The following FCN1 variants were observed in gnomAD, a reference collection of about 807,000 sequenced individuals.
The protein encoded by FCN1 is ficolin 1, also known as ficolin-1.
FCN1 carries 42 observed loss-of-function variants against 35.6 expected under a neutral mutation model. The observed-to-expected ratio is 1.18, with a 90% CI of 0.92 to 1.53. FCN1 has a LOEUF of 1.53. FCN1 is among the 40% of genes most tolerant of loss of function. The pLI is 0.00. For missense variants in FCN1, 439 were observed against 428.4 expected, an observed-to-expected ratio of 1.02 and a Z score of -0.22; for synonymous variants, 179 against 169.8, an observed-to-expected ratio of 1.05 and a Z score of -0.42.
chr9:134,907,228 T>C lies in FCN1; in HGVS notation c.*2570A>G, dbSNP rs1830966144. On this transcript the variant is annotated 3_prime_UTR_variant, in exon 9 of 9. Coordinates refer to ENST00000371806, the MANE Select transcript of FCN1 (RefSeq NM_002003.5). The stretch of plus-strand genomic sequence containing the variant: ...CTGAGGGACGAAAGTACTATCCCAA[T>C]AGTGGATTTTGTGATGGACTAGAGA... 2 of 152,214 alleles carry C rather than the reference T, an allele frequency of 1.3e-5. No individual in the cohort carries two copies. Among genetic ancestry groups the C allele is most frequent in the Admixed American group, 1.3e-4 (2 of 15,282 alleles). The allele number at this position is 152,214 out of a possible 1,614,324, so 9.4% of individuals were successfully genotyped here. A position where few individuals can be genotyped will look rare whatever the true frequency, so the allele number is the denominator to read the frequency against.
At chr9:134,914,546 A>G in intron 3 of FCN1, 126 bp from the exon 4 acceptor site, 1 of 1,061,872 alleles carries the variant, frequency 9.4e-7, no homozygotes. Flanking sequence ...CTAAGGCATC[A>G]CAACGCCCAG....
chr9:134,910,086 G>A (rs763824979), intron 8 of FCN1, 41 bp from the exon 9 acceptor site: 10 of 1,576,532 alleles, frequency 6.3e-6, no homozygotes, highest in Non-Finnish European at 8.7e-6. Flanking sequence ...GCTGGAAAAA[G>A]CCCTGCCACT....
intron 2 of FCN1, 90 bp downstream of exon 2, chr9:134,916,258 G>T: frequency 1.0e-6 from 1 of 989,150 alleles, no homozygotes; most frequent in Non-Finnish European, 1.6e-6. Context: ...AACCACGGTG[G>T]GGGTGTTGCC....
chr9:134,912,377 G>A, intron 7 of FCN1, 109 bp downstream of exon 7: 1 of 1,172,822 alleles, frequency 8.5e-7, no homozygotes, highest in South Asian at 1.6e-5. Context: ...GTGTGCTCAG[G>A]GCCCAATCCC....
chr9:134,904,924 G>A lies in FCN1; in HGVS notation c.*4874C>T, dbSNP rs190200082. Among the ~76,000 whole-genome samples, 101 of 152,168 alleles carry A rather than the reference G, an allele frequency of 6.6e-4. No homozygotes were observed. The highest frequency in any genetic ancestry group is 2.2e-3 in the African/African-American group (93 of 41,528). On this transcript the variant is annotated 3_prime_UTR_variant, in exon 9 of 9. Coordinates refer to ENST00000371806, the MANE Select transcript of FCN1 (RefSeq NM_002003.5). ...GTAAAAATGTGGTAAAAATGAATAC[G>A]GACTGCACAAAACAATACTAATAGC...
Position 134,912,961 on chromosome 9 carries a change from C to T in FCN1, c.468+55G>A, listed in dbSNP as rs543987490. 18 of 1,583,820 alleles carry T rather than the reference C, an allele frequency of 1.1e-5. No homozygotes were observed. In the African/African-American group the frequency reaches 2.4e-4, roughly 21 times the overall value. On this transcript the variant is annotated intron_variant, in intron 6 of 8. Transcript: ENST00000371806. Reference sequence around the variant, plus strand: ...AGAGTGTGTTCTACAACCAGGTGTGCAGCCTGGCCTCCGGGACTCCCAGGC... The same window carrying T: ...AGAGTGTGTTCTACAACCAGGTGTGTAGCCTGGCCTCCGGGACTCCCAGGC...
At chr9:134,913,389 G>A (rs561123319) in intron 5 of FCN1, among the ~76,000 whole-genome samples, 192 bp downstream of exon 5, 1 of 152,318 alleles carries the variant, frequency 6.6e-6, no homozygotes, top group African/African-American at 2.4e-5. Context: ...GGCCTTCTAG[G>A]GTAGATAATA....
chr9:134,910,901 G>A (rs182487617), intron 8 of FCN1, among the ~76,000 whole-genome samples: 71 of 152,348 alleles, frequency 4.7e-4, no homozygotes, highest in South Asian at 2.3e-3. Context: ...CTGGTGGGTC[G>A]TCTCAGCCCT....
At chr9:134,913,687 C>CT in intron 4 of FCN1, 74 bp from the exon 5 acceptor site, 1 of 1,200,838 alleles carries the variant, frequency 8.3e-7, no homozygotes, top group Non-Finnish European at 1.2e-6. Flanking sequence ...CAGTGGCTCC[C>CT]TGAGCACAGA....
chr9:134,913,432 GTGA>G, intron 5 of FCN1, 146 bp downstream of exon 5: 1 of 697,830 alleles, frequency 1.4e-6, no homozygotes, highest in Non-Finnish European at 2.4e-6. Context: ...AGGGATTCAG[GTGA>G]TAGCTGCCCA....
Position 134,910,051 on chromosome 9 carries a change from C to G in FCN1, c.734-6G>C, listed in dbSNP as rs372142823. 6.2e-7 allele frequency: 1 copy of G among 1,613,450 alleles called. No individual in the cohort carries two copies. Among genetic ancestry groups the G allele is most frequent in the Non-Finnish European group, 8.5e-7 (1 of 1,179,548 alleles). Reference sequence around the variant, plus strand: ...GTGGCCCGTTAGAGAATTACCTGCTCACAGAAAATGTGGGGTTTGCAGATG... The same window carrying G: ...GTGGCCCGTTAGAGAATTACCTGCTGACAGAAAATGTGGGGTTTGCAGATG... On this transcript the variant is annotated splice_polypyrimidine_tract_variant and splice_region_variant and intron_variant, in intron 8 of 8. Transcript: ENST00000371806.
In FCN1 at chr9:134,903,481, T is replaced by A. The variant is rs1830909053; in HGVS notation, c.*6317A>T. Among the ~76,000 whole-genome samples, 1 of 151,914 alleles carries A rather than the reference T, an allele frequency of 6.6e-6. No homozygotes were observed. Among genetic ancestry groups the A allele is most frequent in the African/African-American group, 2.4e-5 (1 of 41,350 alleles). On this transcript the variant is annotated 3_prime_UTR_variant, in exon 9 of 9. Coordinates refer to ENST00000371806, the MANE Select transcript of FCN1 (RefSeq NM_002003.5). ...AGATATCTAGAAAAATCCCAAATAATTTGGAAGTAAAAGAACACAATTTTA... is the reference window on the plus strand; with the variant it reads ...AGATATCTAGAAAAATCCCAAATAAATTGGAAGTAAAAGAACACAATTTTA...
chr9:134,904,716 G>A lies in FCN1; in HGVS notation c.*5082C>T, dbSNP rs997711504. ...AATTGTTTGAGCCCAGGAGGTGGAG[G>A]TTGCAGTGAGCTAAGGTCATACCGC... On this transcript the variant is annotated 3_prime_UTR_variant, in exon 9 of 9. Transcript: ENST00000371806. Among the ~76,000 whole-genome samples, 4 of 152,162 alleles carry A rather than the reference G, an allele frequency of 2.6e-5. No individual in the cohort carries two copies. Among genetic ancestry groups the A allele is most frequent in the African/African-American group, 9.7e-5 (4 of 41,426 alleles).
Position 134,906,961 on chromosome 9 carries a change from A to G in FCN1, c.*2837T>C, listed in dbSNP as rs1830963330. The G allele has an allele frequency of 6.6e-6, 1 of 152,184 alleles. No individual in the cohort carries two copies. Among genetic ancestry groups the G allele is most frequent in the Non-Finnish European group, 1.5e-5 (1 of 68,034 alleles). The allele number at this position is 152,184 out of a possible 1,614,324, so 9.4% of individuals were successfully genotyped here. A position where few individuals can be genotyped will look rare whatever the true frequency, so the allele number is the denominator to read the frequency against. ...GTTGTGTGTGCCTGTGATCCCAGCT[A>G]CTTGGGAGGCTGAAGCATGAGAATC... On this transcript the variant is annotated 3_prime_UTR_variant, in exon 9 of 9. Transcript: ENST00000371806.
chr9:134,911,606 C>T (rs1023805793), intron 7 of FCN1, among the ~76,000 whole-genome samples: 1 of 151,824 alleles, frequency 6.6e-6, no homozygotes, highest in Non-Finnish European at 1.5e-5. Flanking sequence ...CCAGCCTCAG[C>T]CTCCCAAAAT....
At position 134,905,691 on chromosome 9, in the gene FCN1, A is replaced by C. The variant is rs558404039; in HGVS notation, c.*4107T>G. ...AGTAGAGACGGGGTTTCATCATGTT[A>C]GCCAGGATGGTCTTGATCTCCTGAC... On this transcript the variant is annotated 3_prime_UTR_variant, in exon 9 of 9. Coordinates refer to ENST00000371806, the MANE Select transcript of FCN1 (RefSeq NM_002003.5). 6.6e-6 allele frequency among the ~76,000 whole-genome samples: 1 copy of C among 151,488 alleles called. No individual in the cohort carries two copies. The highest frequency in any genetic ancestry group is 1.9e-4 in the East Asian group (1 of 5,140).
At chr9:134,915,187 T>A (rs879665016) in intron 2 of FCN1, among the ~76,000 whole-genome samples, 3 of 152,132 alleles carry the variant, frequency 2.0e-5, no homozygotes, top group Non-Finnish European at 4.4e-5. Context: ...GAGAGCCTCA[T>A]CCTACCACGT....
intron 2 of FCN1, 97 bp from the exon 3 acceptor site, chr9:134,914,906 A>G (rs758510385): frequency 2.5e-4 from 225 of 895,616 alleles, no homozygotes; most frequent in Non-Finnish European, 3.6e-4. Flanking sequence ...ACCCTCCCCC[A>G]CTCTGCCTTG....
Position 134,917,861 on chromosome 9 carries a change from C to T in FCN1, c.11G>A (p.Ser4Asn). ...GAGCCCCCGGGCCATGGTGGCTCCA[C>T]TCAGCTCCATGCTCTCTGGCCTTTG... MELSGATMARGLAV... is the reference protein window; with the variant it reads MELNGATMARGLAV... Residue 4 changes from serine to asparagine, a missense_variant, in exon 1 of 9, where the codon AGT becomes AAT. By Grantham distance (46) the Ser-to-Asn change is conservative. Coordinates refer to ENST00000371806, the MANE Select transcript of FCN1 (RefSeq NM_002003.5). 1 of 1,612,764 alleles carries T rather than the reference C, an allele frequency of 6.2e-7. No individual in the cohort carries two copies. Among genetic ancestry groups the T allele is most frequent in the South Asian group, 1.1e-5 (1 of 91,058 alleles).
Sources: gnomAD v4.1 joint callset for allele counts (sites outside exome capture counted in the v4.1 genomes callset) on GRCh38, gnomAD v4.1.1 for gene constraint, MANE v1.5 for transcripts, NCBI Gene and HGNC (gene_info 2026-07-23, HGNC 2026-07-21) for gene names.